Variants in SLC16A10 observed in about 807,000 individuals in gnomAD.
SLC16A10 encodes solute carrier family 16 member 10.
SLC16A10 carries 27 observed loss-of-function variants against 40.0 expected under a neutral mutation model. The ratio of observed to expected loss-of-function variants is 0.67; its 90% CI spans 0.50 to 0.93. The LOEUF (loss-of-function observed/expected upper bound fraction) is 0.93. SLC16A10 is among the 40% of genes least tolerant of loss of function. The probability of loss-of-function intolerance (pLI) is 0.00; values close to 1 mark genes in which losing one functional copy is unlikely to be tolerated. For synonymous variants in SLC16A10, 213 were observed against 249.8 expected (o/e 0.85, Z 1.39); for missense variants, 529 against 658.2 (o/e 0.80, Z 2.15).
In SLC16A10 at chr6:111,229,473, C is replaced by T. The variant is rs945468309; in HGVS notation, c.*7238C>T. 3.3e-5 allele frequency: 5 copies of T among 152,152 alleles called. No homozygotes were observed. The highest frequency in any genetic ancestry group is 1.2e-4 in the African/African-American group (5 of 41,434). The allele number at this position is 152,152 out of a possible 1,614,324, so 9.4% of individuals were successfully genotyped here. ...ACAAAGTGAGGGATTTAAATATATT[C>T]TGTAACTTTGAGGCAATGTGAAAAA... is the stretch of plus-strand genomic sequence containing the variant. On this transcript the variant is annotated 3_prime_UTR_variant, in exon 6 of 6. Coordinates refer to ENST00000368851, the MANE Select transcript of SLC16A10 (RefSeq NM_018593.5).
intron 3 of SLC16A10, among the ~76,000 whole-genome samples, chr6:111,192,151 G>C (rs2114566839): frequency 6.6e-6 from 1 of 152,136 alleles, no homozygotes; most frequent in South Asian, 2.1e-4. Context: ...TGGTTCTGTT[G>C]CATCGTCAGG....
chr6:111,209,023 C>T (rs886122677), intron 4 of SLC16A10, among the ~76,000 whole-genome samples: 17 of 151,928 alleles, frequency 1.1e-4, no homozygotes, highest in African/African-American at 4.1e-4. Context: ...CATAGTGAGA[C>T]CTCATCTCTA....
At chr6:111,137,986 C>A (rs532881028) in intron 1 of SLC16A10, among the ~76,000 whole-genome samples, 1 of 152,184 alleles carries the variant, frequency 6.6e-6, no homozygotes, top group Admixed American at 6.5e-5. Context: ...TAAACCCAGG[C>A]GTTCTAGCCG....
intron 4 of SLC16A10, 82 bp from the exon 5 acceptor site, chr6:111,218,732 C>A: frequency 8.6e-7 from 1 of 1,168,510 alleles, no homozygotes; most frequent in African/African-American, 1.5e-5. Context: ...CCAGTAATGA[C>A]TTAGAAGTCC....
intron 1 of SLC16A10, among the ~76,000 whole-genome samples, chr6:111,146,691 T>C (rs923733477): frequency 9.2e-5 from 14 of 151,656 alleles, no homozygotes; most frequent in Non-Finnish European, 7.4e-5. Context: ...GAGCCGAGAT[T>C]GCGCCACTGC....
At chr6:111,184,197 A>G (rs1772853827) in intron 3 of SLC16A10, among the ~76,000 whole-genome samples, 1 of 152,160 alleles carries the variant, frequency 6.6e-6, no homozygotes, top group East Asian at 1.9e-4. Context: ...AGACCATATC[A>G]TTGGGTCAAA....
intron 1 of SLC16A10, among the ~76,000 whole-genome samples, chr6:111,155,043 A>AG (rs1772243078): frequency 1.3e-5 from 2 of 150,880 alleles, no homozygotes; most frequent in East Asian, 1.9e-4. Flanking sequence ...AAAAAAAAAA[A>AG]AGACAATTCT....
chr6:111,174,942 A>T (rs1325490022), intron 2 of SLC16A10, among the ~76,000 whole-genome samples: 4 of 152,228 alleles, frequency 2.6e-5, no homozygotes, highest in African/African-American at 9.6e-5. Context: ...AACAAAATTT[A>T]TTGAAACCAA....
chr6:111,172,578 A>T, intron 1 of SLC16A10, 117 bp from the exon 2 acceptor site: 1 of 1,243,444 alleles, frequency 8.0e-7, no homozygotes, highest in Admixed American at 2.5e-5. Context: ...AAGCTTAGGC[A>T]CTATACTCAA....
chr6:111,225,925 A>G lies in SLC16A10; in HGVS notation c.*3690A>G, dbSNP rs948901244. Reference sequence around the variant, plus strand: ...CCTCCTGAAGAGTCCATTAACATCCATGCTTAGTTCCACTGGTTGCATGGC... The same window carrying G: ...CCTCCTGAAGAGTCCATTAACATCCGTGCTTAGTTCCACTGGTTGCATGGC... On this transcript the variant is annotated 3_prime_UTR_variant, in exon 6 of 6. Transcript: ENST00000368851. 1.3e-5 allele frequency: 2 copies of G among 152,066 alleles called. No homozygotes were observed. The highest frequency in any genetic ancestry group is 2.9e-5 in the Non-Finnish European group (2 of 68,020). The allele number at this position is 152,066 out of a possible 1,614,324, so 9.4% of individuals were successfully genotyped here. A position where few individuals can be genotyped will look rare whatever the true frequency, so the allele number is the denominator to read the frequency against.
chr6:111,090,901 C>G (rs1315980377), intron 1 of SLC16A10, among the ~76,000 whole-genome samples: 4 of 152,164 alleles, frequency 2.6e-5, no homozygotes, highest in African/African-American at 7.2e-5. Flanking sequence ...ACAGCTAGTT[C>G]TGTCTCCTTG....
intron 3 of SLC16A10, among the ~76,000 whole-genome samples, chr6:111,195,752 T>C (rs1349436554): frequency 6.6e-6 from 1 of 152,122 alleles, no homozygotes; most frequent in Non-Finnish European, 1.5e-5. Context: ...TTCCCTACCA[T>C]GCCAAGGCCA....
chr6:111,106,576 C>T (rs549573501), intron 1 of SLC16A10, among the ~76,000 whole-genome samples: 55 of 152,202 alleles, frequency 3.6e-4, no homozygotes, highest in Admixed American at 1.0e-3. Context: ...CTATTATTTA[C>T]GGTTACTTGA....
At chr6:111,096,576 A>G (rs1057191458) in intron 1 of SLC16A10, among the ~76,000 whole-genome samples, 1 of 152,244 alleles carries the variant, frequency 6.6e-6, no homozygotes, top group African/African-American at 2.4e-5. Flanking sequence ...GTGTATGATC[A>G]TACCTCTTTG....
At chr6:111,162,035 C>G (rs1330363702) in intron 1 of SLC16A10, among the ~76,000 whole-genome samples, 3 of 152,060 alleles carry the variant, frequency 2.0e-5, no homozygotes, top group African/African-American at 4.8e-5. Context: ...AAAATGCAGA[C>G]AAAAACTTAA....
At chr6:111,121,723 C>G (rs115165576) in intron 1 of SLC16A10, among the ~76,000 whole-genome samples, 8,684 of 152,234 alleles carry the variant, frequency 0.057, 742 homozygotes, top group African/African-American at 0.19. Flanking sequence ...AGCAGAGAAC[C>G]AGCCAGGGCC....
At chr6:111,153,134 A>G (rs747003982) in intron 1 of SLC16A10, among the ~76,000 whole-genome samples, 15 of 152,304 alleles carry the variant, frequency 9.8e-5, no homozygotes, top group Middle Eastern at 3.4e-3. Context: ...TCCTCCATAG[A>G]AGGGCATTTT....
intron 3 of SLC16A10, chr6:111,178,642 T>G: frequency 4.9e-6 from 1 of 202,832 alleles, no homozygotes; most frequent in South Asian, 7.3e-5. Context: ...TGTTTCTTCC[T>G]TTTTTCTTTT....
At chr6:111,188,249 C>T (rs1391181676) in intron 3 of SLC16A10, among the ~76,000 whole-genome samples, 3 of 101,976 alleles carry the variant, frequency 2.9e-5, no homozygotes, top group Non-Finnish European at 5.8e-5. Context: ...TTTACTTTCT[C>T]TCTCCCTCTC....
Sources: allele counts gnomAD v4.1 joint callset (sites outside exome capture counted in the v4.1 genomes callset), GRCh38; gene constraint gnomAD v4.1.1; transcripts MANE v1.5; gene names NCBI Gene and HGNC (gene_info 2026-07-23, HGNC 2026-07-21).